The following TSHZ2 variants were observed in gnomAD, a reference collection of about 807,000 sequenced individuals.
TSHZ2 encodes teashirt homolog 2.
A neutral mutation model predicts 74.4 loss-of-function variants in TSHZ2; 21 were observed. The ratio of observed to expected loss-of-function variants is 0.28; its 90% CI spans 0.20 to 0.41. The LOEUF (loss-of-function observed/expected upper bound fraction) is 0.41. Ranked by LOEUF, TSHZ2 falls within the 10% of genes least tolerant of loss-of-function variation. TSHZ2 has a pLI of 1.00. For synonymous variants in TSHZ2, 540 were observed against 515.3 expected, an observed-to-expected ratio of 1.05 and a Z score of -0.65; for missense variants, 1,244 against 1,293.5, an observed-to-expected ratio of 0.96 and a Z score of 0.59.
chr20:53,338,940 C>T (rs1255761658), intron 2 of TSHZ2, among the ~76,000 whole-genome samples: 3 of 152,182 alleles, frequency 2.0e-5, no homozygotes, highest in Non-Finnish European at 2.9e-5. Flanking sequence ...TGATGGGAAG[C>T]ACTGATGAAG....
At chr20:53,002,120 G>C (rs1056394844) in intron 1 of TSHZ2, among the ~76,000 whole-genome samples, 2 of 152,180 alleles carry the variant, frequency 1.3e-5, no homozygotes, top group Non-Finnish European at 2.9e-5. Context: ...CACTTACTCT[G>C]TGCCACACAG....
chr20:53,255,216 A>G lies in TSHZ2; in HGVS notation c.1758A>G (p.Pro586=). 1 of 1,614,210 alleles carries G rather than the reference A, an allele frequency of 6.2e-7. No homozygotes were observed. ...TTGCACCAAAGTGGAAAGTGATGCC[A>G]CTGGTTTCTATGCCCACACACCTGG... ...RPIAPKWKVM[P]LVSMPTHLAP... is the part of the protein sequence containing the mutation. Residue 586 remains proline (P), a synonymous_variant, in exon 2 of 3, where the codon CCA becomes CCG. Transcript: ENST00000371497. The surrounding 1 kb of genome is among the most constrained non-coding windows in gnomAD (Gnocchi z 4.1).
At chr20:53,227,052 T>C (rs1293315952) in intron 1 of TSHZ2, among the ~76,000 whole-genome samples, 2 of 152,062 alleles carry the variant, frequency 1.3e-5, no homozygotes, top group African/African-American at 4.8e-5. Context: ...CAAAGGACTT[T>C]AGGGAAGAAA....
intron 2 of TSHZ2, among the ~76,000 whole-genome samples, chr20:53,295,294 A>G (rs1451557687): frequency 6.6e-6 from 1 of 152,200 alleles, no homozygotes. Context: ...GCAGCTTTCT[A>G]GATGTGAATT....
intron 1 of TSHZ2, among the ~76,000 whole-genome samples, chr20:53,237,804 CTCTA>C (rs1316956746): frequency 1.3e-5 from 2 of 152,172 alleles, no homozygotes; most frequent in Non-Finnish European, 2.9e-5. Flanking sequence ...ACTGTACCAG[CTCTA>C]TCTATCGTCT....
At chr20:53,195,976 A>G (rs149845335) in intron 1 of TSHZ2, among the ~76,000 whole-genome samples, 344 of 152,226 alleles carry the variant, frequency 2.3e-3, no homozygotes, top group African/African-American at 8.1e-3. Flanking sequence ...TTGTGCTAAG[A>G]GCAGCGTGGA....
chr20:53,145,395 C>T (rs1987515555), intron 1 of TSHZ2, among the ~76,000 whole-genome samples: 2 of 152,172 alleles, frequency 1.3e-5, no homozygotes, highest in South Asian at 4.2e-4. Flanking sequence ...AATGTGCTGT[C>T]TTCATTTGTG....
At chr20:53,403,999 C>T (rs1982761320) in intron 2 of TSHZ2, among the ~76,000 whole-genome samples, 1 of 152,146 alleles carries the variant, frequency 6.6e-6, no homozygotes, top group African/African-American at 2.4e-5. Flanking sequence ...AATCTTCATG[C>T]ATTTTATTTC....
intron 1 of TSHZ2, among the ~76,000 whole-genome samples, chr20:53,146,664 T>C (rs1202965679): frequency 6.6e-6 from 1 of 152,056 alleles, no homozygotes; most frequent in Non-Finnish European, 1.5e-5. Context: ...GACCAGGAGG[T>C]GAAGATGACA....
intron 1 of TSHZ2, among the ~76,000 whole-genome samples, chr20:52,999,432 C>G (rs191450086): frequency 3.9e-5 from 6 of 152,334 alleles, no homozygotes; most frequent in Admixed American, 3.9e-4. Flanking sequence ...ACCATAGAGC[C>G]TTTGCCTCCT....
rs544027690 is a variant in TSHZ2, at chr20:53,416,827, C to A, written c.*9-70317C>A. On this transcript the variant is annotated intron_variant, in intron 2 of 2. Coordinates refer to ENST00000371497, the MANE Select transcript of TSHZ2 (RefSeq NM_173485.6). ...TGATTCTGTTTTGACTGGCACACCC[C>A]TTGGATTGCATCCCCAAATGTGAAC... Among the ~76,000 whole-genome samples the A allele has an allele frequency of 4.6e-5, 7 of 152,336 alleles. No homozygotes were observed. In the South Asian group the frequency reaches 1.0e-3, roughly 23 times the overall value.
chr20:53,012,450 G>A (rs907565038), intron 1 of TSHZ2, among the ~76,000 whole-genome samples: 3 of 152,240 alleles, frequency 2.0e-5, no homozygotes, highest in South Asian at 2.1e-4. Context: ...CAACCCAAAT[G>A]AATCAGGATT....
intron 1 of TSHZ2, among the ~76,000 whole-genome samples, chr20:53,145,761 C>A (rs190564271): frequency 6.6e-6 from 1 of 152,278 alleles, no homozygotes; most frequent in Admixed American, 6.5e-5. Context: ...TGCCCTTAAC[C>A]AGAGAAGCAC....
At chr20:53,213,296 C>A (rs573927031) in intron 1 of TSHZ2, among the ~76,000 whole-genome samples, 1 of 152,154 alleles carries the variant, frequency 6.6e-6, no homozygotes, top group East Asian at 1.9e-4. Flanking sequence ...CAAAATTGTA[C>A]CTTTTGGCTC....
At chr20:53,132,802 A>G (rs191920297) in intron 1 of TSHZ2, among the ~76,000 whole-genome samples, 2 of 152,184 alleles carry the variant, frequency 1.3e-5, no homozygotes, top group Admixed American at 1.3e-4. Context: ...TACAGAATCC[A>G]TGTTTAATTA....
chr20:53,005,635 T>C (rs1982614431), intron 1 of TSHZ2, among the ~76,000 whole-genome samples: 1 of 152,192 alleles, frequency 6.6e-6, no homozygotes, highest in South Asian at 2.1e-4. Flanking sequence ...CGATCTGTCC[T>C]AGGCAAGGCC....
intron 1 of TSHZ2, among the ~76,000 whole-genome samples, chr20:53,032,372 T>G (rs947502339): frequency 2.6e-5 from 4 of 152,210 alleles, no homozygotes; most frequent in Admixed American, 2.6e-4. Context: ...GTACCCAATT[T>G]TCAACTGGAA....
At chr20:53,481,841 C>G (rs149528723) in intron 2 of TSHZ2, among the ~76,000 whole-genome samples, 4 of 152,162 alleles carry the variant, frequency 2.6e-5, no homozygotes, top group African/African-American at 9.6e-5. Flanking sequence ...CAGTGGCTTA[C>G]GCCTGTACTC....
At chr20:53,469,958 T>C (rs1985747786) in intron 2 of TSHZ2, among the ~76,000 whole-genome samples, 1 of 152,042 alleles carries the variant, frequency 6.6e-6, no homozygotes, top group Non-Finnish European at 1.5e-5. Flanking sequence ...ACAACCCAGA[T>C]ATTACTGATA....
Sources: allele counts gnomAD v4.1 joint callset (sites outside exome capture counted in the v4.1 genomes callset), GRCh38; gene constraint gnomAD v4.1.1; non-coding constraint Gnocchi (gnomAD v3.1); transcripts MANE v1.5; gene names NCBI Gene and HGNC (gene_info 2026-07-23, HGNC 2026-07-21).